LARS2: variants seen among roughly 807,000 people sequenced by gnomAD.
The protein encoded by LARS2 is leucine--tRNA ligase, mitochondrial.
A neutral mutation model predicts 116.6 loss-of-function variants in LARS2; 81 were observed. That is an observed-to-expected ratio of 0.69 (90% CI 0.58 to 0.84). LARS2 has a LOEUF of 0.84. Ranked by LOEUF, LARS2 falls within the 40% of genes least tolerant of loss-of-function variation. LARS2 has a pLI of 0.00. For missense variants in LARS2, 968 were observed against 1,114.5 expected (o/e 0.87, Z 1.87); for synonymous variants, 396 against 407.2 (o/e 0.97, Z 0.33).
chr3:45,456,009 C>G (rs1575266548), intron 7 of LARS2, among the ~76,000 whole-genome samples: 2 of 152,024 alleles, frequency 1.3e-5, no homozygotes, highest in Admixed American at 1.3e-4. Flanking sequence ...AGGGGTGGAG[C>G]AAGGGAATGG....
intron 15 of LARS2, among the ~76,000 whole-genome samples, chr3:45,504,749 T>G (rs973367089): frequency 2.6e-5 from 4 of 151,198 alleles, no homozygotes; most frequent in African/African-American, 9.7e-5. Context: ...ATTTTTAGTG[T>G]TTTTTTTGTT....
intron 15 of LARS2, among the ~76,000 whole-genome samples, chr3:45,510,792 TC>T (rs1306710364): frequency 1.3e-5 from 2 of 152,144 alleles, no homozygotes; most frequent in Non-Finnish European, 2.9e-5. Context: ...CTGCACTCTT[TC>T]TTTTCCTCCC....
intron 15 of LARS2, among the ~76,000 whole-genome samples, chr3:45,510,580 A>G (rs533329121): frequency 6.6e-6 from 1 of 152,386 alleles, no homozygotes; most frequent in East Asian, 1.9e-4. Context: ...ATACCTTCTC[A>G]GTGGAGATGG....
chr3:45,395,113 A>G, intron 3 of LARS2, among the ~76,000 whole-genome samples: 1 of 152,322 alleles, frequency 6.6e-6, no homozygotes, highest in East Asian at 1.9e-4. Context: ...GGGATCTGGC[A>G]GGGTCATATC....
intron 4 of LARS2, among the ~76,000 whole-genome samples, chr3:45,409,491 G>A (rs556284617): frequency 1.3e-4 from 20 of 152,238 alleles, no homozygotes; most frequent in South Asian, 4.2e-4. Context: ...CTAACCCAGT[G>A]TATTTCACGT....
intron 8 of LARS2, among the ~76,000 whole-genome samples, chr3:45,467,633 T>C (rs1699447564): frequency 6.6e-6 from 1 of 152,208 alleles, no homozygotes. Context: ...TTGTAAGACA[T>C]GTCCCAGTGT....
Position 45,500,545 on chromosome 3 carries a change from C to T in LARS2, c.1726C>T (p.His576Tyr), listed in dbSNP as rs956423759. The T allele has an allele frequency of 6.4e-7, 1 of 1,565,080 alleles. No homozygotes were observed. The highest frequency in any genetic ancestry group is 8.6e-7 in the Non-Finnish European group (1 of 1,162,702). The change falls in exon 15 of 22, where the codon CAT becomes TAT. Residue 576 changes from histidine (H) to tyrosine (Y), a missense_variant. His to Tyr is a moderately conservative substitution (Grantham distance 83). Transcript: ENST00000645846. The stretch of plus-strand genomic sequence containing the variant: ...CTTGTTCTATGCAAGATTCTTTAGT[C>T]ATTTTTGCCATGATCAAAAAATGGT... ...MHLFYARFFS[H>Y]FCHDQKMVKH... is the part of the protein sequence containing the mutation.
intron 10 of LARS2, among the ~76,000 whole-genome samples, chr3:45,483,358 T>C (rs1192274437): frequency 2.0e-5 from 3 of 152,186 alleles, no homozygotes; most frequent in Non-Finnish European, 4.4e-5. Flanking sequence ...TGAGAAAAGA[T>C]AGTGTGGAGG....
chr3:45,426,382 AG>A (rs1439266712), intron 6 of LARS2, among the ~76,000 whole-genome samples: 2 of 152,190 alleles, frequency 1.3e-5, no homozygotes, highest in Non-Finnish European at 2.9e-5. Context: ...TGACCCGCCC[AG>A]TCCTCTTTCA....
At chr3:45,523,658 C>G (rs1473222851) in intron 19 of LARS2, among the ~76,000 whole-genome samples, 1 of 151,814 alleles carries the variant, frequency 6.6e-6, no homozygotes, top group Non-Finnish European at 1.5e-5. Flanking sequence ...TCCTAAGTAA[C>G]TGGGACTATA....
intron 5 of LARS2, among the ~76,000 whole-genome samples, chr3:45,418,140 C>T (rs1344771812): frequency 6.6e-6 from 1 of 152,196 alleles, no homozygotes; most frequent in East Asian, 1.9e-4. Context: ...ATTCCTCTCC[C>T]TCCTGCTAAA....
chr3:45,421,099 AT>A (rs1259147130), intron 6 of LARS2: 2 of 151,700 alleles, frequency 1.3e-5, no homozygotes, highest in African/African-American at 4.9e-5. Context: ...TTATGAATGT[AT>A]TATAATGTAT....
intron 6 of LARS2, among the ~76,000 whole-genome samples, chr3:45,431,089 G>T (rs983660875): frequency 2.0e-5 from 3 of 152,050 alleles, no homozygotes; most frequent in Admixed American, 6.6e-5. Flanking sequence ...CGCCGAGTCC[G>T]TATCTCTCCC....
chr3:45,404,218 G>A (rs370538549), intron 4 of LARS2, among the ~76,000 whole-genome samples: 3 of 152,276 alleles, frequency 2.0e-5, no homozygotes, highest in East Asian at 3.9e-4. Context: ...AGTTTCAGTT[G>A]CTGTGTTTAA....
intron 4 of LARS2, among the ~76,000 whole-genome samples, chr3:45,409,893 GA>G (rs1390157640): frequency 1.3e-5 from 2 of 152,132 alleles, no homozygotes; most frequent in African/African-American, 2.4e-5. Flanking sequence ...GAAACTTTGA[GA>G]TTTTTCTAAC....
chr3:45,542,081 C>G, intron 21 of LARS2, 125 bp downstream of exon 21: 1 of 1,249,108 alleles, frequency 8.0e-7, no homozygotes, highest in Non-Finnish European at 1.1e-6. Flanking sequence ...AGCCCTCAGC[C>G]ACACCTTGTG....
intron 8 of LARS2, among the ~76,000 whole-genome samples, chr3:45,468,110 G>C (rs1699458132): frequency 6.6e-6 from 1 of 151,846 alleles, no homozygotes. Context: ...AAAAAAAAAA[G>C]ATTATTATCA....
intron 7 of LARS2, among the ~76,000 whole-genome samples, chr3:45,450,627 AC>A (rs1316580027): frequency 5.3e-5 from 8 of 152,048 alleles, no homozygotes; most frequent in Non-Finnish European, 1.0e-4. Context: ...CCACTGATGG[AC>A]ACTTGGGTTG....
At chr3:45,393,022 T>C (rs1219522228) in intron 2 of LARS2, among the ~76,000 whole-genome samples, 1 of 152,194 alleles carries the variant, frequency 6.6e-6, no homozygotes, top group African/African-American at 2.4e-5. Context: ...AAATCTCACC[T>C]CAACCCTTTG....
Sources: gnomAD v4.1 joint callset for allele counts (sites outside exome capture counted in the v4.1 genomes callset) on GRCh38, gnomAD v4.1.1 for gene constraint, MANE v1.5 for transcripts, NCBI Gene and HGNC (gene_info 2026-07-23, HGNC 2026-07-21) for gene names.